Variants in PRELID2 observed in about 807,000 individuals in gnomAD.
The protein encoded by PRELID2 is PRELI domain containing 2.
Under a neutral mutation model 28.4 loss-of-function variants are expected in PRELID2, and 25 were observed. The ratio of observed to expected loss-of-function variants is 0.88; its 90% confidence interval spans 0.64 to 1.23. PRELID2 has a LOEUF of 1.23. Ranked by LOEUF, PRELID2 falls within the 50% of genes most tolerant of loss-of-function variation. The pLI is 0.00. For missense variants in PRELID2, 201 were observed against 214.4 expected (o/e 0.94, Z 0.39); for synonymous variants, 76 against 71.6 (o/e 1.06, Z -0.31).
chr5:145,359,876 A>G, the PRELID2 span, among the ~76,000 whole-genome samples: 1 of 152,202 alleles, frequency 6.6e-6, no homozygotes, highest in Non-Finnish European at 1.5e-5. Context: ...TCATTAGTTC[A>G]AAAGATCCTC....
At chr5:145,826,857 G>GAA (rs34543722) in intron 1 of PRELID2, among the ~76,000 whole-genome samples, 15 of 149,938 alleles carry the variant, frequency 1.0e-4, no homozygotes, top group East Asian at 5.8e-4. Flanking sequence ...TTTGCCGAGG[G>GAA]AAAAAAAAAC....
chr5:145,761,021 C>T (rs946008316), intron 6 of PRELID2, among the ~76,000 whole-genome samples: 1 of 152,118 alleles, frequency 6.6e-6, no homozygotes, highest in Non-Finnish European at 1.5e-5. Flanking sequence ...TTTCAAATGC[C>T]CACTTGGACA....
chr5:145,371,596 G>T, the PRELID2 span, among the ~76,000 whole-genome samples: 1 of 152,012 alleles, frequency 6.6e-6, no homozygotes, highest in South Asian at 2.1e-4. Context: ...TCTCTTCCCG[G>T]TTTTGGTATC....
rs6149278 is a variant in PRELID2, at chr5:145,817,421, T to TTATATATATATATA, written c.368+459_368+472dup. The stretch of plus-strand genomic sequence containing the variant: ...TATGCAATAAAGGAATAAGCTAGTT[T>TTATATATATATATA]TATATATATATATATATATATATAT... On this transcript the variant is annotated intron_variant, in intron 4 of 6. Transcript: ENST00000683046. Among the ~76,000 whole-genome samples the TTATATATATATATA allele has an allele frequency of 4.4e-3, 460 of 103,514 alleles. 3 individuals carry two copies. The highest frequency in any genetic ancestry group is 0.014 in the African/African-American group (417 of 29,808). The allele number at this position is 103,514 out of a possible 152,430, so 67.9% of individuals were successfully genotyped here. A position where few individuals can be genotyped will look rare whatever the true frequency, so the allele number is the denominator to read the frequency against.
chr5:145,260,216 A>T, the PRELID2 span, among the ~76,000 whole-genome samples: 2 of 152,196 alleles, frequency 1.3e-5, no homozygotes, highest in East Asian at 3.8e-4. Flanking sequence ...TGAGCCAATT[A>T]AACCTCTTTT....
intron 5 of PRELID2, among the ~76,000 whole-genome samples, chr5:145,778,302 T>C (rs1339918163): frequency 6.6e-6 from 1 of 151,986 alleles, no homozygotes; most frequent in Non-Finnish European, 1.5e-5. Flanking sequence ...TGCTGAGAGA[T>C]ACAGGGACGA....
chr5:145,340,535 T>A, the PRELID2 span, among the ~76,000 whole-genome samples: 1 of 151,858 alleles, frequency 6.6e-6, no homozygotes, highest in Non-Finnish European at 1.5e-5. Flanking sequence ...TGGGAGGCTG[T>A]GGTGGGCAGA....
At chr5:145,338,783 A>G in the PRELID2 span, among the ~76,000 whole-genome samples, 1 of 152,216 alleles carries the variant, frequency 6.6e-6, no homozygotes, top group Admixed American at 6.5e-5. Context: ...TCACACAGCA[A>G]TTAATCCATG....
At chr5:145,651,509 T>C (rs535412031) in intron 1 of PRELID2, among the ~76,000 whole-genome samples, 1 of 152,262 alleles carries the variant, frequency 6.6e-6, no homozygotes, top group South Asian at 2.1e-4. Flanking sequence ...GCACCCCCAG[T>C]AGGGGCAGAC....
the PRELID2 span, among the ~76,000 whole-genome samples, chr5:145,255,043 C>T: frequency 6.6e-6 from 1 of 152,084 alleles, no homozygotes; most frequent in Non-Finnish European, 1.5e-5. Flanking sequence ...CTCCAACACA[C>T]CCTGCCACCC....
At chr5:145,365,910 G>C in the PRELID2 span, among the ~76,000 whole-genome samples, 4 of 151,928 alleles carry the variant, frequency 2.6e-5, no homozygotes, top group African/African-American at 9.7e-5. Flanking sequence ...GACTGACAAA[G>C]TAGAAAGTGA....
the PRELID2 span, among the ~76,000 whole-genome samples, chr5:145,370,687 A>T: frequency 1.3e-4 from 20 of 152,124 alleles, no homozygotes; most frequent in African/African-American, 2.2e-4. Context: ...TGGGAATAGC[A>T]TTGAATCTGT....
chr5:145,505,766 A>C (rs912762726), intron 1 of PRELID2, among the ~76,000 whole-genome samples: 4 of 152,232 alleles, frequency 2.6e-5, no homozygotes, highest in Non-Finnish European at 5.9e-5. Flanking sequence ...CATCAACAGA[A>C]GAATGGATAA....
At chr5:145,300,270 C>G in the PRELID2 span, among the ~76,000 whole-genome samples, 1 of 152,070 alleles carries the variant, frequency 6.6e-6, no homozygotes, top group South Asian at 2.1e-4. Context: ...TTGGACACTT[C>G]CTACCTCATA....
chr5:145,794,174 G>A (rs976603881), intron 5 of PRELID2, among the ~76,000 whole-genome samples: 2 of 152,182 alleles, frequency 1.3e-5, no homozygotes, highest in Non-Finnish European at 2.9e-5. Flanking sequence ...AGACTACACA[G>A]AAAGAGTGGA....
intron 1 of PRELID2, among the ~76,000 whole-genome samples, chr5:145,516,913 GT>G (rs1752522171): frequency 6.6e-6 from 1 of 152,190 alleles, no homozygotes; most frequent in East Asian, 1.9e-4. Context: ...AATAAATGGT[GT>G]TGGGAAAACT....
chr5:145,511,651 A>G (rs1313743951), intron 1 of PRELID2, among the ~76,000 whole-genome samples: 1 of 152,166 alleles, frequency 6.6e-6, no homozygotes, highest in Non-Finnish European at 1.5e-5. Context: ...TTACAGAATG[A>G]CTGTTTCAAC....
the PRELID2 span, among the ~76,000 whole-genome samples, chr5:145,323,450 G>C: frequency 6.6e-6 from 1 of 152,170 alleles, no homozygotes; most frequent in Non-Finnish European, 1.5e-5. Flanking sequence ...CCACTGTGTA[G>C]AGAATGTATT....
the PRELID2 span, among the ~76,000 whole-genome samples, chr5:145,323,848 T>C: frequency 1.3e-5 from 2 of 152,230 alleles, no homozygotes; most frequent in African/African-American, 2.4e-5. Flanking sequence ...TCATATTTTC[T>C]TTGTCCAGTC....
Sources: gnomAD v4.1 joint callset for allele counts (sites outside exome capture counted in the v4.1 genomes callset) on GRCh38, gnomAD v4.1.1 for gene constraint, MANE v1.5 for transcripts, NCBI Gene and HGNC (gene_info 2026-07-23, HGNC 2026-07-21) for gene names.